JARID2: variants seen among roughly 807,000 people sequenced by gnomAD.
JARID2 encodes the protein protein Jumonji.
JARID2 carries 21 observed loss-of-function variants against 125.6 expected under a neutral mutation model. The ratio of observed to expected loss-of-function variants is 0.17; its 90% CI spans 0.12 to 0.24. The LOEUF (loss-of-function observed/expected upper bound fraction) is 0.24, where lower values mean the gene tolerates loss of function less well. Among genes scored for constraint, JARID2 ranks in the 10% least tolerant of loss-of-function variants. The pLI is 1.00. For missense variants in JARID2, 1,303 were observed against 1,639.6 expected (o/e 0.79, Z 3.55); for synonymous variants, 736 against 661.6 (o/e 1.11, Z -1.73).
intron 3 of JARID2, among the ~76,000 whole-genome samples, chr6:15,448,504 A>G (rs1767774591): frequency 6.6e-6 from 1 of 152,234 alleles, no homozygotes; most frequent in African/African-American, 2.4e-5. Context: ...ACATGCAGGC[A>G]ATATTTCTAT....
chr6:15,259,321 G>A (rs566277844), intron 1 of JARID2, among the ~76,000 whole-genome samples: 2 of 152,306 alleles, frequency 1.3e-5, no homozygotes, highest in Admixed American at 6.5e-5. Context: ...TTTTCAGCTT[G>A]TAATAATGTC....
chr6:15,417,004 A>G (rs2237146), intron 3 of JARID2, among the ~76,000 whole-genome samples: 13,223 of 151,894 alleles, frequency 0.087, 747 homozygotes, highest in Middle Eastern at 0.15. Context: ...TGTTTGAGGA[A>G]TGAAACGATA....
At position 15,487,404 on chromosome 6, in the gene JARID2, C is replaced by G; in HGVS notation, c.768C>G (p.His256Gln). 6.2e-7 allele frequency: 1 copy of G among 1,614,266 alleles called. No individual in the cohort carries two copies. Among genetic ancestry groups the G allele is most frequent in the Non-Finnish European group, 8.5e-7 (1 of 1,180,054 alleles). The part of the protein sequence containing the change: ...ATPAKEKHSD[H>Q]RADSRREQAS... ...CCGCAAAGGAGAAGCACAGCGATCA[C>G]CGGGCTGACAGCCGCCGGGAGCAGG... Residue 256 changes from histidine to glutamine, a missense_variant, in exon 6 of 18, where the codon CAC becomes CAG. By Grantham distance (24) the His-to-Gln change is conservative. This residue lies in a region of JARID2 where 651 missense variants were observed against 581.6 expected (regional missense o/e 1.12). Coordinates refer to ENST00000341776, the MANE Select transcript of JARID2 (RefSeq NM_004973.4).
intron 2 of JARID2, among the ~76,000 whole-genome samples, chr6:15,386,546 G>A (rs928963496): frequency 5.3e-5 from 8 of 152,136 alleles, no homozygotes; most frequent in Admixed American, 1.3e-4. Context: ...GCTGGAGGGC[G>A]TTATAACCTC....
At chr6:15,509,212 G>A in intron 12 of JARID2, 1 of 1,226,266 alleles carries the variant, frequency 8.2e-7, no homozygotes, top group Non-Finnish European at 1.0e-6. Context: ...GGACTCTTTG[G>A]TGTCTTTGTT....
chr6:15,438,666 G>C (rs1379628722), intron 3 of JARID2, among the ~76,000 whole-genome samples: 1 of 152,114 alleles, frequency 6.6e-6, no homozygotes, highest in East Asian at 1.9e-4. Context: ...CTGTGGTGGG[G>C]GCAGCATAGC....
intron 3 of JARID2, among the ~76,000 whole-genome samples, chr6:15,422,938 T>G (rs1383766804): frequency 6.6e-6 from 1 of 152,038 alleles, no homozygotes; most frequent in East Asian, 1.9e-4. Flanking sequence ...TTCTCATGGG[T>G]TAGGCCTACT....
chr6:15,517,910 T>C (rs1183548603), intron 17 of JARID2, among the ~76,000 whole-genome samples: 2 of 152,230 alleles, frequency 1.3e-5, no homozygotes, highest in Non-Finnish European at 2.9e-5. Flanking sequence ...CGCCACATTG[T>C]GGTCATTGCA....
At chr6:15,258,482 G>A (rs1581333264) in intron 1 of JARID2, among the ~76,000 whole-genome samples, 1 of 152,278 alleles carries the variant, frequency 6.6e-6, no homozygotes. Flanking sequence ...AGTGTGAAGT[G>A]CTTTATGAAC....
At chr6:15,259,097 C>G (rs1759777840) in intron 1 of JARID2, among the ~76,000 whole-genome samples, 3 of 152,198 alleles carry the variant, frequency 2.0e-5, no homozygotes, top group Admixed American at 6.5e-5. Flanking sequence ...CCTCTGCCTT[C>G]CCTGGTTTGT....
At chr6:15,487,076 G>A (rs752879726) in intron 5 of JARID2, among the ~76,000 whole-genome samples, 25 of 152,066 alleles carry the variant, frequency 1.6e-4, no homozygotes, top group Non-Finnish European at 2.8e-4. Flanking sequence ...CGTGAGGTGG[G>A]AAACACTTTT....
chr6:15,307,839 C>G (rs1761886889), intron 1 of JARID2, among the ~76,000 whole-genome samples: 1 of 152,216 alleles, frequency 6.6e-6, no homozygotes, highest in Non-Finnish European at 1.5e-5. Flanking sequence ...CTAGTTTCAT[C>G]TAATTTGCAG....
intron 1 of JARID2, among the ~76,000 whole-genome samples, chr6:15,332,871 A>G (rs1490906712): frequency 1.3e-5 from 2 of 151,714 alleles, no homozygotes; most frequent in Non-Finnish European, 2.9e-5. Context: ...TTTTAAAAGA[A>G]TAACAGCTTT....
At chr6:15,264,782 T>C (rs1561755656) in intron 1 of JARID2, among the ~76,000 whole-genome samples, 1 of 152,228 alleles carries the variant, frequency 6.6e-6, no homozygotes, top group African/African-American at 2.4e-5. Flanking sequence ...TACTTGTGCC[T>C]TTCAAAGGCT....
intron 1 of JARID2, among the ~76,000 whole-genome samples, chr6:15,320,199 A>G (rs1203281226): frequency 6.6e-6 from 1 of 152,226 alleles, no homozygotes; most frequent in Non-Finnish European, 1.5e-5. Context: ...GATGCTTGTG[A>G]AGAGAATGGA....
At chr6:15,464,165 AG>A (rs1457108527) in intron 4 of JARID2, among the ~76,000 whole-genome samples, 1 of 152,220 alleles carries the variant, frequency 6.6e-6, no homozygotes, top group Non-Finnish European at 1.5e-5. Flanking sequence ...TGTCTCGAGG[AG>A]AAAAAAAGAA....
intron 3 of JARID2, 134 bp from the exon 4 acceptor site, chr6:15,451,872 G>T: frequency 1.2e-6 from 1 of 857,166 alleles, no homozygotes. Flanking sequence ...GAGAGATATA[G>T]AACCTTAATT....
At position 15,496,908 on chromosome 6, in the gene JARID2, G is replaced by A. The variant is rs758346136; in HGVS notation, c.1683G>A (p.Arg561=). ...WAAMDEIPVL[R]PSAKEFHDPL... ...CCATGGACGAGATCCCCGTCCTCAG[G>A]CCCTCCGCCAAGGAGTTCCACGATC... is the stretch of plus-strand genomic sequence containing the variant. The change falls in exon 7 of 18, where the codon AGG becomes AGA. Residue 561 remains arginine, a synonymous_variant. Transcript: ENST00000341776. 4 of 1,601,856 alleles carry A rather than the reference G, an allele frequency of 2.5e-6. No individual in the cohort carries two copies. The South Asian group carries it at 4.5e-5, about 18-fold the overall frequency.
chr6:15,455,100 G>T (rs547347370), intron 4 of JARID2, among the ~76,000 whole-genome samples: 22 of 151,916 alleles, frequency 1.4e-4, no homozygotes, highest in Non-Finnish European at 2.4e-4. Context: ...AGGCTGACAC[G>T]GTGGAATCCT....
Sources: allele counts gnomAD v4.1 joint callset (sites outside exome capture counted in the v4.1 genomes callset), GRCh38; gene constraint gnomAD v4.1.1; regional missense constraint gnomAD v4.1.1; transcripts MANE v1.5; gene names NCBI Gene and HGNC (gene_info 2026-07-23, HGNC 2026-07-21).